TEKT4: variants seen among roughly 807,000 people sequenced by gnomAD.
The protein encoded by TEKT4 is tektin-4.
A neutral mutation model predicts 46.0 loss-of-function variants in TEKT4; 46 were observed. That is an observed-to-expected ratio of 1.00 (90% CI 0.79 to 1.28). The LOEUF is 1.28. Among genes scored for constraint, TEKT4 ranks in the 50% most tolerant of loss-of-function variants. TEKT4 has a pLI of 0.00. For synonymous variants in TEKT4, 325 were observed against 265.8 expected, an observed-to-expected ratio of 1.22 and a Z score of -2.17; for missense variants, 790 against 622.9, an observed-to-expected ratio of 1.27 and a Z score of -2.85.
intron 1 of TEKT4, chr2:94,872,637 G>C (rs1162737876): frequency 2.7e-6 from 1 of 375,550 alleles, no homozygotes; most frequent in African/African-American, 2.1e-5. Context: ...TGGCTCTGGA[G>C]AATTCTCTGA....
chr2:94,872,557 C>G (rs1553394971), intron 1 of TEKT4: 1 of 321,396 alleles, frequency 3.1e-6, no homozygotes. Context: ...TATAACTTCC[C>G]AATCCACCCC....
At chr2:94,875,040 C>G in intron 4 of TEKT4, 42 bp downstream of exon 4, 2 of 1,530,914 alleles carry the variant, frequency 1.3e-6, no homozygotes, top group South Asian at 2.5e-5. Flanking sequence ...CTCTCATCAC[C>G]TGGCCTGGGC....
intron 1 of TEKT4, chr2:94,872,515 G>C: frequency 3.2e-6 from 1 of 308,060 alleles, no homozygotes; most frequent in Non-Finnish European, 6.4e-6. Context: ...ACAAAGATCT[G>C]CACCCACAGG....
intron 5 of TEKT4, among the ~76,000 whole-genome samples, chr2:94,876,321 C>T (rs112818946): frequency 9.9e-5 from 15 of 152,274 alleles, no homozygotes; most frequent in African/African-American, 3.4e-4. Flanking sequence ...TCCTGTCCTG[C>T]CAGGGTCGAG....
intron 5 of TEKT4, 54 bp downstream of exon 5, chr2:94,875,796 G>C: frequency 1.3e-6 from 2 of 1,568,518 alleles, no homozygotes; most frequent in South Asian, 2.3e-5. Context: ...CCTCCTCCCT[G>C]TGACTCTCTC....
At chr2:94,874,652 T>C in intron 3 of TEKT4, 124 bp from the exon 4 acceptor site, 1 of 856,676 alleles carries the variant, frequency 1.2e-6, no homozygotes, top group Admixed American at 2.8e-5. Context: ...CAGCATGGGG[T>C]GCATCGGAGT....
Position 94,871,510 on chromosome 2 carries a change from ACT to A in TEKT4, c.-69_-68del. On this transcript the variant is annotated 5_prime_UTR_variant, in exon 1 of 6. Transcript: ENST00000295201. ...CCGTTGGAGCTGCCCCGCTGACCGCACTAGGCTGACCGCAACCGGCTGACCAC... is the reference window on the plus strand; with the variant it reads ...CCGTTGGAGCTGCCCCGCTGACCGCAAGGCTGACCGCAACCGGCTGACCAC... 2.7e-6 allele frequency: 4 copies of A among 1,483,392 alleles called. No individual in the cohort carries two copies. The highest frequency in any genetic ancestry group is 3.6e-6 in the Non-Finnish European group (4 of 1,117,924). The allele number at this position is 1,483,392 out of a possible 1,614,324, so 91.9% of individuals were successfully genotyped here.
chr2:94,873,605 G>A lies in TEKT4; in HGVS notation c.569+15G>A, dbSNP rs373131977. ...AGCCAGATCCGGTGGGTAGAGGGCT[G>A]CCCAAGGGATGATTCCTGACCCTAC... On this transcript the variant is annotated intron_variant, in intron 2 of 5. Transcript: ENST00000295201. 3.4e-5 allele frequency: 55 copies of A among 1,613,470 alleles called. No homozygotes were observed. In the African/African-American group the frequency reaches 5.9e-4, roughly 17 times the overall value.
At chr2:94,876,200 T>C (rs1680845226) in intron 5 of TEKT4, among the ~76,000 whole-genome samples, 1 of 152,182 alleles carries the variant, frequency 6.6e-6, no homozygotes, top group African/African-American at 2.4e-5. Flanking sequence ...CGGTGGCCCC[T>C]TCTAAGTACC....
intron 1 of TEKT4, 35 bp downstream of exon 1, chr2:94,872,112 C>A: frequency 6.7e-7 from 1 of 1,484,976 alleles, no homozygotes. Context: ...GATTTGTGGG[C>A]GCAGAGAGGA....
Position 94,871,783 on chromosome 2 carries a change from G to A in TEKT4, c.204G>A (p.Glu68=), listed in dbSNP as rs200827343. ...ACCAGTCGGAGCGGCAGCGGCACGA[G>A]AGCCAGCAGCTGGCCACAGAGACCC... ...DRDQSERQRH[E]SQQLATETQA... Residue 68 remains glutamate (E), a synonymous_variant, in exon 1 of 6, where the codon GAG becomes GAA. Transcript: ENST00000295201. 1 of 1,611,894 alleles carries A rather than the reference G, an allele frequency of 6.2e-7. No individual in the cohort carries two copies. Among genetic ancestry groups the A allele is most frequent in the Non-Finnish European group, 8.5e-7 (1 of 1,179,570 alleles).
In TEKT4 at chr2:94,871,867, G is replaced by C; in HGVS notation, c.288G>C (p.Gln96His). ...CGCGCACAGTGGGCGAGCGACTGCA[G>C]GACACGCACAGCTGGAAGTCGGAGC... ...DSTRTVGERL[Q>H]DTHSWKSELQ... The change falls in exon 1 of 6, where the codon CAG becomes CAC. Residue 96 changes from glutamine to histidine, a missense_variant. Transcript: ENST00000295201. 4 of 1,600,822 alleles carry C rather than the reference G, an allele frequency of 2.5e-6. No homozygotes were observed. Among genetic ancestry groups the C allele is most frequent in the Non-Finnish European group, 1.7e-6 (2 of 1,175,842 alleles).
intron 1 of TEKT4, 95 bp downstream of exon 1, chr2:94,872,172 A>G (rs1241907216): frequency 7.0e-7 from 1 of 1,420,748 alleles, no homozygotes. Flanking sequence ...GGCTGCTGCA[A>G]GCACGCGGGA....
intron 1 of TEKT4, chr2:94,872,925 G>C (rs868908076): frequency 1.6e-6 from 2 of 1,289,294 alleles, no homozygotes; most frequent in African/African-American, 3.0e-5. Flanking sequence ...GACAGTGCAC[G>C]GAGAGGCAAA....
chr2:94,876,666 A>G lies in TEKT4; in HGVS notation c.1205A>G (p.Lys402Arg), dbSNP rs1553396721. 6.2e-7 allele frequency: 1 copy of G among 1,613,458 alleles called. No homozygotes were observed. Among genetic ancestry groups the G allele is most frequent in the Non-Finnish European group, 8.5e-7 (1 of 1,179,994 alleles). Residue 402 changes from lysine (K) to arginine (R), a missense_variant, in exon 6 of 6, where the codon AAG (lysine) becomes AGG (arginine). Coordinates refer to ENST00000295201, the MANE Select transcript of TEKT4 (RefSeq NM_144705.4). ...NLEDIHMSLE[K>R]DIAAMTNSLF... ...GAGGACATCCACATGAGCCTGGAGA[A>G]GGACATTGCCGCCATGACCAACAGT...
At chr2:94,872,886 A>C (rs1158203522) in intron 1 of TEKT4, 30 of 1,289,308 alleles carry the variant, frequency 2.3e-5, no homozygotes, top group Non-Finnish European at 3.0e-5. Context: ...TGCCCGCAAC[A>C]AGGGCACCTG....
chr2:94,872,932 C>CA, intron 1 of TEKT4: 2 of 1,289,440 alleles, frequency 1.6e-6, no homozygotes, highest in South Asian at 2.5e-5. Context: ...CACGGAGAGG[C>CA]AAACCCAGGG....
intron 1 of TEKT4, chr2:94,872,489 A>G: frequency 6.1e-6 from 2 of 326,300 alleles, no homozygotes; most frequent in Admixed American, 4.0e-5. Flanking sequence ...CATTCATCCT[A>G]TACAGAGCCG....
rs200312251 is a variant in TEKT4 at position 94,874,866 on chromosome 2, G to A, written c.804G>A (p.Val268=). ...RERLASANLR[V]LVDCILRDTS... is the part of the protein sequence containing the mutation. ...GCCTGGCCTCGGCCAACCTGCGGGTGCTGGTGGACTGCATCCTTCGCGACA... is the reference window on the plus strand; with the variant it reads ...GCCTGGCCTCGGCCAACCTGCGGGTACTGGTGGACTGCATCCTTCGCGACA... The change falls in exon 4 of 6, where the codon GTG becomes GTA. Residue 268 remains valine, a synonymous_variant. Coordinates refer to ENST00000295201, the MANE Select transcript of TEKT4 (RefSeq NM_144705.4). 1.2e-6 allele frequency: 2 copies of A among 1,609,360 alleles called. No individual in the cohort carries two copies. Among genetic ancestry groups the A allele is most frequent in the African/African-American group, 1.3e-5 (1 of 74,848 alleles).
Sources: allele counts gnomAD v4.1 joint callset (sites outside exome capture counted in the v4.1 genomes callset), GRCh38; gene constraint gnomAD v4.1.1; transcripts MANE v1.5; gene names NCBI Gene and HGNC (gene_info 2026-07-23, HGNC 2026-07-21).